PLD5: variants seen among roughly 807,000 people sequenced by gnomAD.
PLD5 encodes phospholipase D family member 5, also known as inactive phospholipase D5.
A neutral mutation model predicts 61.1 loss-of-function variants in PLD5; 36 were observed. That is an observed-to-expected ratio of 0.59 (90% CI 0.45 to 0.78). PLD5 has a LOEUF of 0.78. PLD5 is among the 30% of genes least tolerant of loss of function. The pLI is 0.00. For synonymous variants in PLD5, 243 were observed against 242.8 expected (o/e 1.00, Z -0.01); for missense variants, 515 against 644.4 (o/e 0.80, Z 2.17).
intron 5 of PLD5, among the ~76,000 whole-genome samples, chr1:242,168,846 G>GTTTTTTTTGTTTTTTTTTT (rs1666520466): frequency 9.0e-6 from 1 of 111,266 alleles, no homozygotes; most frequent in Non-Finnish European, 1.7e-5. Flanking sequence ...AATTAATGAA[G>GTTTTTTTTGTTTTTTTTTT]TTTTTTTTTT....
intron 1 of PLD5, among the ~76,000 whole-genome samples, chr1:242,478,614 T>G (rs2102958732): frequency 6.6e-6 from 1 of 152,344 alleles, no homozygotes; most frequent in African/African-American, 2.4e-5. Context: ...AGGCATCATC[T>G]GTGTAGGTCA....
intron 5 of PLD5, among the ~76,000 whole-genome samples, chr1:242,128,854 A>AT (rs1663010754): frequency 1.3e-5 from 2 of 152,154 alleles, no homozygotes; most frequent in South Asian, 4.1e-4. Context: ...GAAGATTGGT[A>AT]TATTTCATAA....
At chr1:242,227,040 A>G (rs1670996745) in intron 4 of PLD5, among the ~76,000 whole-genome samples, 2 of 152,204 alleles carry the variant, frequency 1.3e-5, no homozygotes, top group African/African-American at 4.8e-5. Flanking sequence ...ACATTTTAAA[A>G]GGAGTATATT....
At chr1:242,164,180 G>A (rs1454311217) in intron 5 of PLD5, among the ~76,000 whole-genome samples, 4 of 140,330 alleles carry the variant, frequency 2.9e-5, no homozygotes, top group South Asian at 2.4e-4. Flanking sequence ...AAAAAAAAAA[G>A]AAATTCATGC....
chr1:242,274,375 G>C (rs1401939498), intron 3 of PLD5, among the ~76,000 whole-genome samples: 1 of 152,190 alleles, frequency 6.6e-6, no homozygotes, highest in Non-Finnish European at 1.5e-5. Flanking sequence ...AACATAGTGA[G>C]GGTCTGTTTC....
chr1:242,154,680 C>T (rs1214270411), intron 5 of PLD5, among the ~76,000 whole-genome samples: 4 of 152,106 alleles, frequency 2.6e-5, no homozygotes, highest in Admixed American at 2.6e-4. Flanking sequence ...AGTCTTGCAT[C>T]TCAGGGATGA....
intron 1 of PLD5, among the ~76,000 whole-genome samples, chr1:242,362,602 A>T (rs906557114): frequency 5.9e-5 from 9 of 152,230 alleles, no homozygotes; most frequent in African/African-American, 2.2e-4. Context: ...GAAGCACGTC[A>T]CCCAGTAGAC....
chr1:242,423,984 C>A (rs546428582), intron 1 of PLD5, among the ~76,000 whole-genome samples: 217 of 97,318 alleles, frequency 2.2e-3, no homozygotes, highest in Non-Finnish European at 3.6e-3. Flanking sequence ...CTGATGCCAA[C>A]AAACTCCTCA....
At chr1:242,406,962 G>C (rs1024141367) in intron 1 of PLD5, among the ~76,000 whole-genome samples, 3 of 152,042 alleles carry the variant, frequency 2.0e-5, no homozygotes, top group African/African-American at 7.2e-5. Context: ...CCTACTTTTT[G>C]TTTCTGCAAT....
chr1:242,421,142 T>C (rs943682696), intron 1 of PLD5, among the ~76,000 whole-genome samples: 11 of 130,530 alleles, frequency 8.4e-5, no homozygotes, highest in African/African-American at 3.4e-4. Flanking sequence ...ATCACGCCAC[T>C]GCACTCTAGC....
chr1:242,274,170 T>G (rs1674274292), intron 3 of PLD5, among the ~76,000 whole-genome samples: 2 of 152,210 alleles, frequency 1.3e-5, no homozygotes, highest in Non-Finnish European at 2.9e-5. Flanking sequence ...CTGCAAAAGA[T>G]ACTACAAAGT....
chr1:242,096,522 A>C (rs1660244052), intron 9 of PLD5, among the ~76,000 whole-genome samples: 1 of 151,454 alleles, frequency 6.6e-6, no homozygotes, highest in Non-Finnish European at 1.5e-5. Context: ...TTGTATTTTT[A>C]GTAGAGACGG....
At chr1:242,092,112 G>A (rs111413944) in intron 9 of PLD5, among the ~76,000 whole-genome samples, 2 of 152,104 alleles carry the variant, frequency 1.3e-5, no homozygotes, top group African/African-American at 4.8e-5. Flanking sequence ...ACAAGCGTGA[G>A]CCACTGTGCC....
intron 2 of PLD5, among the ~76,000 whole-genome samples, chr1:242,310,158 C>G (rs182144776): frequency 3.7e-4 from 57 of 152,256 alleles, no homozygotes; most frequent in African/African-American, 1.3e-3. Context: ...GTACAAGATG[C>G]TGTCAAGACT....
intron 1 of PLD5, among the ~76,000 whole-genome samples, chr1:242,376,100 T>C (rs1395385618): frequency 6.6e-6 from 1 of 152,242 alleles, no homozygotes; most frequent in Non-Finnish European, 1.5e-5. Context: ...TTGCAACTTT[T>C]ATAGTAGTCC....
At chr1:242,459,374 G>A (rs112233745) in intron 1 of PLD5, among the ~76,000 whole-genome samples, 2,875 of 152,222 alleles carry the variant, frequency 0.019, 95 homozygotes, top group African/African-American at 0.065. Context: ...TATCTCTGAG[G>A]GGTTATCTAA....
chr1:242,115,122 GAGCCGAGATTGCATCACTGCACTCC>G (rs1661839429), intron 6 of PLD5, among the ~76,000 whole-genome samples: 1 of 152,110 alleles, frequency 6.6e-6, no homozygotes, highest in African/African-American at 2.4e-5. Flanking sequence ...AGGTTGCAGT[GAGCCGAGATTGCATCACTGCACTCC>G]AGCCTGGGTG....
intron 6 of PLD5, among the ~76,000 whole-genome samples, chr1:242,116,209 C>A (rs1211780623): frequency 6.6e-6 from 1 of 152,102 alleles, no homozygotes; most frequent in African/African-American, 2.4e-5. Context: ...GGAACAACTC[C>A]CTACACTGCA....
At chr1:242,345,052 G>A (rs187335960) in intron 2 of PLD5, among the ~76,000 whole-genome samples, 1 of 152,310 alleles carries the variant, frequency 6.6e-6, no homozygotes, top group East Asian at 1.9e-4. Context: ...TGGCCCCCAT[G>A]ATTCAATTAC....
Sources: gnomAD v4.1 joint callset for allele counts (sites outside exome capture counted in the v4.1 genomes callset) on GRCh38, gnomAD v4.1.1 for gene constraint, MANE v1.5 for transcripts, NCBI Gene and HGNC (gene_info 2026-07-23, HGNC 2026-07-21) for gene names.